The following ILDR2 variants were observed in gnomAD, a reference collection of about 807,000 sequenced individuals.
ILDR2 encodes immunoglobulin like domain containing receptor 2, also known as immunoglobulin-like domain-containing receptor 2.
ILDR2 carries 25 observed loss-of-function variants against 66.8 expected under a neutral mutation model. That is an observed-to-expected ratio of 0.37 (90% confidence interval 0.27 to 0.52). The LOEUF (loss-of-function observed/expected upper bound fraction) is 0.52, where lower values mean the gene tolerates loss of function less well. Among genes scored for constraint, ILDR2 ranks in the 20% least tolerant of loss-of-function variants. ILDR2 has a pLI of 0.88. For synonymous variants in ILDR2, 367 were observed against 357.2 expected, an observed-to-expected ratio of 1.03 and a Z score of -0.31; for missense variants, 827 against 876.8, an observed-to-expected ratio of 0.94 and a Z score of 0.72.
At position 166,921,513 on chromosome 1, in the gene ILDR2, T is replaced by G; in HGVS notation, c.1212-134A>C. The G allele has an allele frequency of 1.4e-6, 1 of 708,894 alleles. No individual in the cohort carries two copies. The highest frequency in any genetic ancestry group is 2.8e-5 in the East Asian group (1 of 35,828). 43.9% of individuals were successfully genotyped at this position (708,894 alleles called of 1,614,324 possible). Reference sequence around the variant, plus strand: ...CCTGAGCCTCAGCTCCGCTCCAGGCTGGATGAAGCATTCCAGGCTCCTCTC... The same window carrying G: ...CCTGAGCCTCAGCTCCGCTCCAGGCGGGATGAAGCATTCCAGGCTCCTCTC... On this transcript the variant is annotated intron_variant, in intron 8 of 9. Coordinates refer to ENST00000271417, the MANE Select transcript of ILDR2 (RefSeq NM_199351.3). This position sits in a 1 kb window ranked among gnomAD's most constrained non-coding sequence, Gnocchi z 5.3.
intron 1 of ILDR2, among the ~76,000 whole-genome samples, chr1:166,973,106 A>G (rs1663401512): frequency 6.6e-6 from 1 of 152,108 alleles, no homozygotes; most frequent in Admixed American, 6.6e-5. Flanking sequence ...GATCAATGGG[A>G]TCCCAGGAGT....
chr1:166,920,591 C>A (rs900248977), intron 9 of ILDR2, 116 bp downstream of exon 9: 7 of 1,200,444 alleles, frequency 5.8e-6, no homozygotes, highest in East Asian at 3.2e-5. Context: ...GCGGCCTCTC[C>A]GGCAAGGACC....
intron 1 of ILDR2, among the ~76,000 whole-genome samples, chr1:166,964,139 TA>T (rs71073632): frequency 0.16 from 23,327 of 141,872 alleles, 1,948 homozygotes; most frequent in Non-Finnish European, 0.2. Flanking sequence ...AATCTAAAAA[TA>T]AAAAAAAAAA....
chr1:166,930,339 C>T (rs555454997), intron 6 of ILDR2, among the ~76,000 whole-genome samples: 2 of 152,274 alleles, frequency 1.3e-5, no homozygotes, highest in East Asian at 3.9e-4. Context: ...AAAGAGACTC[C>T]ACTGTACCAG....
At chr1:166,962,056 A>T (rs1662650274) in intron 1 of ILDR2, among the ~76,000 whole-genome samples, 1 of 152,186 alleles carries the variant, frequency 6.6e-6, no homozygotes, top group Non-Finnish European at 1.5e-5. Flanking sequence ...AGTTTATTGG[A>T]TCTTTGAGAA....
chr1:166,927,177 C>A lies in ILDR2; in HGVS notation c.884G>T (p.Arg295Leu), dbSNP rs145576240. Residue 295 changes from arginine to leucine, a missense_variant, in exon 7 of 10, where the codon CGC becomes CTC. Arg to Leu is a moderately radical substitution (Grantham distance 102). Around this residue, in one of 2 missense-constraint regions of ILDR2, gnomAD observed 437 missense variants for 523.2 expected, o/e 0.84. Transcript: ENST00000271417. ...SDSTGGSHSV[R>L]KGYRIQADKE... ...GTCAGCCTGGATCCGGTAACCTTTG[C>A]GAACTGTTGAGAAAAGCACAAGAAG... is the stretch of plus-strand genomic sequence containing the variant. The A allele has an allele frequency of 3.7e-6, 6 of 1,608,880 alleles. No homozygotes were observed. Among genetic ancestry groups the A allele is most frequent in the Middle Eastern group, 1.6e-4 (1 of 6,068 alleles).
At chr1:166,943,788 GCTGTC>G in intron 3 of ILDR2, 1 of 978,902 alleles carries the variant, frequency 1.0e-6, no homozygotes, top group South Asian at 4.7e-5. Context: ...CTTGTGAATC[GCTGTC>G]ATTCTTCCAG....
chr1:166,962,754 A>C (rs1662694523), intron 1 of ILDR2, among the ~76,000 whole-genome samples: 1 of 152,180 alleles, frequency 6.6e-6, no homozygotes, highest in Admixed American at 6.5e-5. Context: ...AGATGCCAAA[A>C]ACCAGGTACC....
intron 2 of ILDR2, among the ~76,000 whole-genome samples, chr1:166,901,678 A>G (rs910240098): frequency 6.6e-6 from 1 of 152,214 alleles, no homozygotes; most frequent in African/African-American, 2.4e-5. Context: ...ACAGGCCAAA[A>G]GACTGGATTT....
At chr1:166,924,522 T>C (rs1392451569) in intron 7 of ILDR2, among the ~76,000 whole-genome samples, 1 of 152,222 alleles carries the variant, frequency 6.6e-6, no homozygotes, top group Non-Finnish European at 1.5e-5. Context: ...CCTGCCCCCA[T>C]CTCACAGACA....
At chr1:166,952,566 T>C (rs1662042985) in intron 3 of ILDR2, among the ~76,000 whole-genome samples, 1 of 152,164 alleles carries the variant, frequency 6.6e-6, no homozygotes, top group Non-Finnish European at 1.5e-5. Flanking sequence ...TAGCGATTTG[T>C]GGATGGTCAG....
chr1:166,931,539 G>A (rs1423791613), intron 6 of ILDR2, among the ~76,000 whole-genome samples: 1 of 152,170 alleles, frequency 6.6e-6, no homozygotes, highest in African/African-American at 2.4e-5. Flanking sequence ...CATGAAGAAT[G>A]GGTGGAGGAC....
At chr1:166,899,578 A>G (rs2101811800) in intron 2 of ILDR2, among the ~76,000 whole-genome samples, 1 of 152,314 alleles carries the variant, frequency 6.6e-6, no homozygotes, top group East Asian at 1.9e-4. Flanking sequence ...CAGATTTAAG[A>G]TGAGCCATGG....
chr1:166,969,515 T>C (rs1663155579), intron 1 of ILDR2, among the ~76,000 whole-genome samples: 1 of 152,238 alleles, frequency 6.6e-6, no homozygotes, highest in South Asian at 2.1e-4. Flanking sequence ...CCAGATGGGC[T>C]CTGATGTGCC....
intron 4 of ILDR2, among the ~76,000 whole-genome samples, chr1:166,938,374 T>C (rs1661109820): frequency 6.6e-6 from 1 of 152,216 alleles, no homozygotes; most frequent in Non-Finnish European, 1.5e-5. Flanking sequence ...AATTTAGCCA[T>C]ATGGGGCCAG....
intron 2 of ILDR2, among the ~76,000 whole-genome samples, chr1:166,898,445 G>A (rs1297448753): frequency 6.6e-6 from 1 of 152,098 alleles, no homozygotes; most frequent in Non-Finnish European, 1.5e-5. Flanking sequence ...TTCCCACCCT[G>A]GCCCAAAGTA....
At chr1:166,896,205 T>C (rs574025471) in intron 2 of ILDR2, 5 of 152,658 alleles carry the variant, frequency 3.3e-5, no homozygotes, top group African/African-American at 1.2e-4. Context: ...GAGAAGGAAC[T>C]TTTAAGGCAG....
intron 3 of ILDR2, among the ~76,000 whole-genome samples, chr1:166,946,369 C>T (rs901395734): frequency 6.6e-6 from 1 of 152,054 alleles, no homozygotes; most frequent in African/African-American, 2.4e-5. Flanking sequence ...CATTTTAGTT[C>T]ACTTTAAATT....
At chr1:166,926,908 C>G (rs994912611) in intron 7 of ILDR2, among the ~76,000 whole-genome samples, 159 bp downstream of exon 7, 1 of 151,946 alleles carries the variant, frequency 6.6e-6, no homozygotes, top group African/African-American at 2.4e-5. Flanking sequence ...TTTTTCCCCT[C>G]TGTGTACTGA....
Sources: gnomAD v4.1 joint callset for allele counts (sites outside exome capture counted in the v4.1 genomes callset) on GRCh38, gnomAD v4.1.1 for gene constraint, gnomAD v4.1.1 regional missense constraint, Gnocchi (gnomAD v3.1) non-coding constraint, MANE v1.5 for transcripts, NCBI Gene and HGNC (gene_info 2026-07-23, HGNC 2026-07-21) for gene names.